Variants in UNC5D observed in about 807,000 individuals in gnomAD.
UNC5D encodes the protein unc-5 netrin receptor D, also known as netrin receptor UNC5D.
A neutral mutation model predicts 105.4 loss-of-function variants in UNC5D; 39 were observed. The observed-to-expected ratio is 0.37, with a 90% CI of 0.29 to 0.48. The LOEUF is 0.48. Ranked by LOEUF, UNC5D falls within the 20% of genes least tolerant of loss-of-function variation. The probability of loss-of-function intolerance (pLI) is 0.98; values close to 1 mark genes in which losing one functional copy is unlikely to be tolerated. For synonymous variants in UNC5D, 452 were observed against 450.4 expected (o/e 1.00, Z -0.04); for missense variants, 991 against 1,202.4 (o/e 0.82, Z 2.60).
intron 1 of UNC5D, among the ~76,000 whole-genome samples, chr8:35,546,202 ACTGATC>A (rs1373845830): frequency 1.3e-5 from 2 of 152,070 alleles, no homozygotes; most frequent in Non-Finnish European, 2.9e-5. Flanking sequence ...CCTAAGATTG[ACTGATC>A]CTTAAGGGGG....
intron 1 of UNC5D, among the ~76,000 whole-genome samples, chr8:35,505,704 C>G (rs1563481571): frequency 6.6e-6 from 1 of 152,124 alleles, no homozygotes; most frequent in Non-Finnish European, 1.5e-5. Context: ...TGTTTGAGTT[C>G]CTCCAACTTT....
At chr8:35,256,214 T>G (rs1804064199) in intron 1 of UNC5D, 1 of 152,232 alleles carries the variant, frequency 6.6e-6, no homozygotes, top group Admixed American at 6.5e-5. Context: ...TTCTAAATCT[T>G]TGTATACTTG....
intron 1 of UNC5D, among the ~76,000 whole-genome samples, chr8:35,540,944 G>A (rs76452982): frequency 0.13 from 19,321 of 152,100 alleles, 1,506 homozygotes; most frequent in East Asian, 0.25. Flanking sequence ...TGGTCTTAGG[G>A]CCCATGCTGT....
At chr8:35,691,637 T>TAATG (rs1374718155) in intron 7 of UNC5D, among the ~76,000 whole-genome samples, 2 of 152,128 alleles carry the variant, frequency 1.3e-5, no homozygotes, top group African/African-American at 4.8e-5. Flanking sequence ...AGGAAAAAGG[T>TAATG]AATGATGTGG....
In UNC5D at chr8:35,774,435, G is replaced by A. The variant is rs943756058; in HGVS notation, c.2615G>A (p.Gly872Asp). The stretch of plus-strand genomic sequence containing the variant: ...ACATTTGATACCCCCAATGCCAAAG[G>A]CAAGGACTGGCAGATGTTAGCACAG... ...CATFDTPNAK[G>D]KDWQMLAQKN... The change falls in exon 16 of 17, where the codon GGC (glycine) becomes GAC (aspartate). Residue 872 changes from glycine to aspartate, a missense_variant. By Grantham distance (94) the Gly-to-Asp change is moderately conservative. Transcript: ENST00000404895. 4 of 1,613,976 alleles carry A rather than the reference G, an allele frequency of 2.5e-6. No homozygotes were observed. The African/African-American group carries it at 5.3e-5, about 22-fold the overall frequency.
intron 13 of UNC5D, among the ~76,000 whole-genome samples, chr8:35,751,216 A>G (rs1334764466): frequency 6.6e-6 from 1 of 152,112 alleles, no homozygotes; most frequent in Non-Finnish European, 1.5e-5. Context: ...GGGCCACAAG[A>G]TAGATGAGCC....
Position 35,298,354 on chromosome 8 carries a change from A to G in UNC5D, c.103+62467A>G, listed in dbSNP as rs543475659. On this transcript the variant is annotated intron_variant, in intron 1 of 16. Transcript: ENST00000404895. ...GCTCTGAGCCTCTTTTTGTGTTTTT[A>G]TAAACAACTGTGTTTAGTTCTACTT... 1.2e-4 allele frequency among the ~76,000 whole-genome samples: 19 copies of G among 152,234 alleles called. 1 individual carries two copies. The East Asian group carries it at 2.9e-3, about 23-fold the overall frequency.
chr8:35,429,877 G>A (rs936957420), intron 1 of UNC5D, among the ~76,000 whole-genome samples: 2 of 152,082 alleles, frequency 1.3e-5, no homozygotes, highest in African/African-American at 2.4e-5. Flanking sequence ...CCATTTTCTC[G>A]AATTTCAAGA....
chr8:35,590,368 T>A (rs1293848073), intron 3 of UNC5D, among the ~76,000 whole-genome samples: 1 of 152,210 alleles, frequency 6.6e-6, no homozygotes, highest in Non-Finnish European at 1.5e-5. Flanking sequence ...TTATTACTGC[T>A]GTAGTTTTAT....
chr8:35,649,212 G>A (rs1823254183), intron 4 of UNC5D, among the ~76,000 whole-genome samples: 2 of 152,254 alleles, frequency 1.3e-5, no homozygotes, highest in East Asian at 1.9e-4. Context: ...ATATGGACTA[G>A]GCAAGGGAAG....
intron 8 of UNC5D, among the ~76,000 whole-genome samples, chr8:35,709,595 C>G (rs893627237): frequency 6.6e-6 from 1 of 152,076 alleles, no homozygotes; most frequent in African/African-American, 2.4e-5. Context: ...GAGGCTGAGG[C>G]AAGAGAATCA....
At chr8:35,770,227 A>G (rs1158589255) in intron 15 of UNC5D, among the ~76,000 whole-genome samples, 1 of 152,188 alleles carries the variant, frequency 6.6e-6, no homozygotes. Context: ...AACATTTTAT[A>G]TAGGATCAAG....
chr8:35,722,187 A>G, intron 8 of UNC5D, 23 bp from the exon 9 acceptor site: 1 of 1,607,686 alleles, frequency 6.2e-7, no homozygotes, highest in Non-Finnish European at 8.5e-7. Context: ...CTGGTCACTT[A>G]CAATTTCTCT....
chr8:35,726,471 A>C lies in UNC5D; in HGVS notation c.1623A>C (p.Glu541Asp). ...QNLSSLPTRT[E>D]LRTTGVFGHL... is the part of the protein sequence containing the mutation. ...TGTCATCACTCCCCACAAGGACAGAACTGAGGACAACTGGTGTCTTTGGCC... is the reference window on the plus strand; with the variant it reads ...TGTCATCACTCCCCACAAGGACAGACCTGAGGACAACTGGTGTCTTTGGCC... Residue 541 changes from glutamate to aspartate, a missense_variant, in exon 10 of 17, where the codon GAA (glutamate) becomes GAC (aspartate). Glu to Asp is a conservative substitution (Grantham distance 45). Coordinates refer to ENST00000404895, the MANE Select transcript of UNC5D (RefSeq NM_080872.4). The C allele has an allele frequency of 6.2e-7, 1 of 1,614,104 alleles. No individual in the cohort carries two copies. The highest frequency in any genetic ancestry group is 8.5e-7 in the Non-Finnish European group (1 of 1,180,010).
rs142825110 is a variant in UNC5D, at chr8:35,767,058, A to G, written c.2470A>G (p.Ile824Val). Reference sequence around the variant, plus strand: ...ACAGATCCTCCAAGTGCAGACATCAATCCTAGAGGTGAGTCCTTGATCTAC... The same window carrying G: ...ACAGATCCTCCAAGTGCAGACATCAGTCCTAGAGGTGAGTCCTTGATCTAC... ...HEQILQVQTS[I>V]LESERETITF... Residue 824 changes from isoleucine to valine, a missense_variant, in exon 15 of 17, where the codon ATC becomes GTC. Physicochemically the swap from Ile to Val is conservative, Grantham distance 29 (BLOSUM62 3). Transcript: ENST00000404895. The G allele has an allele frequency of 8.7e-6, 14 of 1,612,458 alleles. 1 individual carries two copies. In the African/African-American group the frequency reaches 1.2e-4, roughly 14 times the overall value.
At chr8:35,669,121 G>C (rs1257877191) in intron 4 of UNC5D, among the ~76,000 whole-genome samples, 1 of 152,058 alleles carries the variant, frequency 6.6e-6, no homozygotes, top group African/African-American at 2.4e-5. Flanking sequence ...GAATAAATAT[G>C]TTCAAAAAGT....
At position 35,388,981 on chromosome 8, in the gene UNC5D, A is replaced by G. The variant is rs16883897; in HGVS notation, c.103+153094A>G. Among the ~76,000 whole-genome samples, 557 of 152,334 alleles carry G rather than the reference A, an allele frequency of 3.7e-3. 2 individuals carry two copies. Among genetic ancestry groups the G allele is most frequent in the African/African-American group, 0.013 (535 of 41,568 alleles). On this transcript the variant is annotated intron_variant, in intron 1 of 16. Transcript: ENST00000404895. Reference sequence around the variant, plus strand: ...AAGGCATTTTTTTCAATGTTCATTGACGGTGTTCATTGTCATTGTTTCTGT... The same window carrying G: ...AAGGCATTTTTTTCAATGTTCATTGGCGGTGTTCATTGTCATTGTTTCTGT...
At chr8:35,784,357 A>T (rs1002501374) in intron 16 of UNC5D, among the ~76,000 whole-genome samples, 2 of 152,196 alleles carry the variant, frequency 1.3e-5, no homozygotes, top group Admixed American at 6.6e-5. Flanking sequence ...GTGCTCACTC[A>T]GAGTTCCAAA....
chr8:35,391,462 C>CT (rs1424573813), intron 1 of UNC5D, among the ~76,000 whole-genome samples: 2 of 152,164 alleles, frequency 1.3e-5, no homozygotes, highest in Non-Finnish European at 2.9e-5. Flanking sequence ...TTCTATAACT[C>CT]TGTTTTTATA....
Sources: gnomAD v4.1 joint callset for allele counts (sites outside exome capture counted in the v4.1 genomes callset) on GRCh38, gnomAD v4.1.1 for gene constraint, MANE v1.5 for transcripts, NCBI Gene and HGNC (gene_info 2026-07-23, HGNC 2026-07-21) for gene names.